The following GPC3 variants were observed in gnomAD, a reference collection of about 807,000 sequenced individuals.
GPC3 encodes the protein glypican 3, also known as glypican-3.
GPC3 carries 3 observed loss-of-function variants against 34.4 expected under a neutral mutation model. The ratio of observed to expected loss-of-function variants is 0.09; its 90% CI spans 0.04 to 0.23. GPC3 has a LOEUF of 0.23. GPC3 is among the 10% of genes least tolerant of loss of function. The pLI is 1.00. For missense variants in GPC3, 351 were observed against 445.6 expected (o/e 0.79, Z 1.91); for synonymous variants, 177 against 174.0 (o/e 1.02, Z -0.13).
At chrX:133,779,131 A>T (rs1373053966) in intron 2 of GPC3, among the ~76,000 whole-genome samples, 1 of 111,967 alleles carries the variant, frequency 8.9e-6, no homozygotes, top group Non-Finnish European at 1.9e-5. Flanking sequence ...CACCATTGAC[A>T]CTTTCCTTCC....
chrX:133,700,202 G>C (rs1034940031), intron 3 of GPC3, among the ~76,000 whole-genome samples, 174 bp from the exon 4 acceptor site: 3 of 111,984 alleles, frequency 2.7e-5, no homozygotes, highest in Admixed American at 9.5e-5. Flanking sequence ...GTGGAAAGAA[G>C]GCTGGAGACG....
chrX:133,582,809 G>A (rs746183982), intron 7 of GPC3, among the ~76,000 whole-genome samples: 1 of 111,335 alleles, frequency 9.0e-6, no homozygotes, highest in East Asian at 2.8e-4. Context: ...GGAGAGAGTG[G>A]TGCAGGGGAT....
At chrX:133,676,493 A>G (rs1321585635) in intron 5 of GPC3, among the ~76,000 whole-genome samples, 3 of 112,179 alleles carry the variant, frequency 2.7e-5, no homozygotes, top group Non-Finnish European at 5.6e-5. Flanking sequence ...ATAACATAAC[A>G]TGAAAGAATA....
intron 2 of GPC3, among the ~76,000 whole-genome samples, chrX:133,936,121 C>T (rs972775746): frequency 2.8e-5 from 3 of 106,773 alleles, no homozygotes; most frequent in South Asian, 8.6e-4. Context: ...GATGGTGTTT[C>T]GCCATATTGC....
At chrX:133,982,496 G>A (rs1429107487) in intron 1 of GPC3, among the ~76,000 whole-genome samples, 1 of 112,201 alleles carries the variant, frequency 8.9e-6, no homozygotes, top group African/African-American at 3.2e-5. Context: ...CAGCTTTGTG[G>A]AAGTCTAGTG....
At chrX:133,749,479 T>C (rs2071641101) in intron 3 of GPC3, among the ~76,000 whole-genome samples, 2 of 111,072 alleles carry the variant, frequency 1.8e-5, no homozygotes, top group African/African-American at 6.6e-5. Flanking sequence ...CACTTGGTAG[T>C]CTGAAGTATT....
At chrX:133,852,230 C>T (rs932892708) in intron 2 of GPC3, among the ~76,000 whole-genome samples, 4 of 111,800 alleles carry the variant, frequency 3.6e-5, no homozygotes, top group African/African-American at 1.3e-4. Flanking sequence ...CTGAGTTCCT[C>T]TCCAGAACAG....
chrX:133,940,856 T>A (rs2076342527), intron 2 of GPC3, among the ~76,000 whole-genome samples: 1 of 112,354 alleles, frequency 8.9e-6, no homozygotes, highest in South Asian at 3.7e-4. Context: ...AGATACTTTG[T>A]TTTTCCTGTC....
chrX:133,907,504 A>G (rs2076174435), intron 2 of GPC3, among the ~76,000 whole-genome samples: 1 of 111,965 alleles, frequency 8.9e-6, no homozygotes, highest in African/African-American at 3.2e-5. Context: ...TACTGTTCAC[A>G]TTGTGGTATA....
chrX:133,680,990 CAT>C (rs754430074), intron 5 of GPC3, among the ~76,000 whole-genome samples: 2 of 111,574 alleles, frequency 1.8e-5, no homozygotes, highest in Non-Finnish European at 1.9e-5. Context: ...GAGGAAATAA[CAT>C]AAAAATGAGA....
intron 3 of GPC3, among the ~76,000 whole-genome samples, chrX:133,723,354 T>C (rs1367580698): frequency 1.8e-5 from 2 of 112,116 alleles, no homozygotes; most frequent in Non-Finnish European, 3.8e-5. Flanking sequence ...TCTTCCTCAG[T>C]TGAATTTCAC....
chrX:133,758,140 G>A lies in GPC3; in HGVS notation c.338-3964C>T, dbSNP rs763366880. 3.6e-5 allele frequency among the ~76,000 whole-genome samples: 4 copies of A among 111,701 alleles called. No homozygotes were observed. In the East Asian group the frequency reaches 1.1e-3, roughly 31 times the overall value. ...TTCAACCATTGTGGACGACAGTGTG[G>A]TGATTCCTCAAAGACCTAGGGGCAG... On this transcript the variant is annotated intron_variant, in intron 2 of 7. Transcript: ENST00000370818.
At chrX:133,712,760 C>T (rs1309174679) in intron 3 of GPC3, among the ~76,000 whole-genome samples, 2 of 110,193 alleles carry the variant, frequency 1.8e-5, no homozygotes, top group African/African-American at 6.6e-5. Flanking sequence ...TGGCAGGCAC[C>T]TGTAATCCCA....
chrX:133,667,620 G>T (rs2070780676), intron 5 of GPC3, among the ~76,000 whole-genome samples: 1 of 111,060 alleles, frequency 9.0e-6, no homozygotes, highest in Admixed American at 9.6e-5. Flanking sequence ...GGAGGTCAAG[G>T]TGGGCAGATC....
chrX:133,909,369 T>C (rs2076185593), intron 2 of GPC3, among the ~76,000 whole-genome samples: 1 of 112,187 alleles, frequency 8.9e-6, no homozygotes, highest in Non-Finnish European at 1.9e-5. Flanking sequence ...CATTCTGGCA[T>C]GGTTGTTCTG....
At chrX:133,897,184 G>A (rs2076119927) in intron 2 of GPC3, among the ~76,000 whole-genome samples, 1 of 105,661 alleles carries the variant, frequency 9.5e-6, no homozygotes, top group East Asian at 3.0e-4. Flanking sequence ...GGGATTACAG[G>A]CGTGAGCTAC....
At chrX:133,982,103 G>A (rs2076542942) in intron 1 of GPC3, among the ~76,000 whole-genome samples, 1 of 112,157 alleles carries the variant, frequency 8.9e-6, no homozygotes, top group African/African-American at 3.2e-5. Context: ...ATTCCCTTGA[G>A]ACAATTGGAA....
chrX:133,708,888 G>A (rs2071240921), intron 3 of GPC3, among the ~76,000 whole-genome samples: 1 of 111,992 alleles, frequency 8.9e-6, no homozygotes, highest in Non-Finnish European at 1.9e-5. Context: ...CTATCCATTT[G>A]TTTATCTGAT....
intron 3 of GPC3, among the ~76,000 whole-genome samples, chrX:133,725,450 A>C (rs1053311820): frequency 8.0e-5 from 9 of 112,592 alleles, no homozygotes; most frequent in Admixed American, 6.6e-4. Flanking sequence ...CCTATTACAA[A>C]ATATTAGTAG....
Sources: allele counts gnomAD v4.1 joint callset (sites outside exome capture counted in the v4.1 genomes callset), GRCh38; gene constraint gnomAD v4.1.1; transcripts MANE v1.5; gene names NCBI Gene and HGNC (gene_info 2026-07-23, HGNC 2026-07-21).